Variants in EPN1 observed in about 807,000 individuals in gnomAD.
EPN1 encodes epsin 1.
A neutral mutation model predicts 56.9 loss-of-function variants in EPN1; 25 were observed. The observed-to-expected ratio is 0.44, with a 90% CI of 0.32 to 0.61. The LOEUF is 0.61. Ranked by LOEUF, EPN1 falls within the 20% of genes least tolerant of loss-of-function variation. EPN1 has a pLI of 0.05. For synonymous variants in EPN1, 411 were observed against 361.8 expected, an observed-to-expected ratio of 1.14 and a Z score of -1.54; for missense variants, 785 against 823.7, an observed-to-expected ratio of 0.95 and a Z score of 0.58.
rs1987363188 is a variant in EPN1 at position 55,705,808 on chromosome 19, G to GATACATATATATATATATATATATAT, written c.*10455_*10456insCATATATATATATATATATATATATA. On this transcript the variant is annotated 3_prime_UTR_variant, in exon 11 of 11. Transcript: ENST00000270460. ...GTGGCTGGAATATTTGTTGTTGTGG[G>GATACATATATATATATATATATATAT]ATATATATATATATATATATTTAGA... is the stretch of plus-strand genomic sequence containing the variant. 1 of 103,138 alleles carries GATACATATATATATATATATATATAT rather than the reference G, an allele frequency of 9.7e-6. No individual in the cohort carries two copies. Among genetic ancestry groups the GATACATATATATATATATATATATAT allele is most frequent in the East Asian group, 2.9e-4 (1 of 3,438 alleles). 6.4% of individuals were successfully genotyped at this position (103,138 alleles called of 1,614,324 possible). A position where few individuals can be genotyped will look rare whatever the true frequency, so the allele number is the denominator to read the frequency against.
chr19:55,700,173 T>G lies in EPN1; in HGVS notation c.*4817T>G, dbSNP rs1489829273. 1 of 144,190 alleles carries G rather than the reference T, an allele frequency of 6.9e-6. No individual in the cohort carries two copies. The highest frequency in any genetic ancestry group is 3.0e-5 in the African/African-American group (1 of 33,830). The allele number at this position is 144,190 out of a possible 1,614,324, so 8.9% of individuals were successfully genotyped here. On this transcript the variant is annotated 3_prime_UTR_variant, in exon 11 of 11. Coordinates refer to ENST00000270460, the MANE Select transcript of EPN1 (RefSeq NM_001130072.2). ...CTCCTGACCTCGTGATCTGCCCACC[T>G]CGGCCTTCCAAAGTGTTGGGATTAC...
intron 2 of EPN1, among the ~76,000 whole-genome samples, chr19:55,680,958 G>T (rs954033345): frequency 1.3e-5 from 2 of 152,270 alleles, no homozygotes; most frequent in Non-Finnish European, 2.9e-5. Flanking sequence ...GTGGTGGGTT[G>T]TGCAGGAGCA....
At chr19:55,693,988 GGTGGATCACCT>G (rs1986747359) in intron 9 of EPN1, 1 of 152,068 alleles carries the variant, frequency 6.6e-6, no homozygotes, top group Admixed American at 6.6e-5. Flanking sequence ...GCTCGAGGTG[GGTGGATCACCT>G]GAGGTCGGGA....
Position 55,692,574 on chromosome 19 carries a change from G to C in EPN1, c.1067-112G>C, listed in dbSNP as rs539563259. On this transcript the variant is annotated intron_variant, in intron 7 of 10. Coordinates refer to ENST00000270460, the MANE Select transcript of EPN1 (RefSeq NM_001130072.2). Reference sequence around the variant, plus strand: ...GGAGGCCGGGTGGGGTGGGTTTCTGGGGGGCAGGGGGGCTTTTGTGTGAAC... The same window carrying C: ...GGAGGCCGGGTGGGGTGGGTTTCTGCGGGGCAGGGGGGCTTTTGTGTGAAC... 6.7e-5 allele frequency: 45 copies of C among 671,138 alleles called. No individual in the cohort carries two copies. In the African/African-American group the frequency reaches 8.1e-4, roughly 12 times the overall value. 41.6% of individuals were successfully genotyped at this position (671,138 alleles called of 1,614,324 possible). A position where few individuals can be genotyped will look rare whatever the true frequency, so the allele number is the denominator to read the frequency against.
chr19:55,687,845 C>T (rs937620227), intron 3 of EPN1, among the ~76,000 whole-genome samples: 1 of 152,212 alleles, frequency 6.6e-6, no homozygotes, highest in African/African-American at 2.4e-5. Flanking sequence ...GCACACCACA[C>T]GGGGGCCAGC....
At position 55,708,756 on chromosome 19, in the gene EPN1, A is replaced by G. The variant is rs1987554476; in HGVS notation, c.*13400A>G. On this transcript the variant is annotated 3_prime_UTR_variant, in exon 11 of 11. Transcript: ENST00000270460. ...AGACAATCAGCATGTACACTGAATC[A>G]CACTCCATAATCATATTGCTAGAAC... The G allele has an allele frequency of 5.7e-6, 3 of 529,444 alleles. No homozygotes were observed. Among genetic ancestry groups the G allele is most frequent in the Admixed American group, 3.1e-5 (1 of 31,772 alleles). The allele number at this position is 529,444 out of a possible 1,614,324, so 32.8% of individuals were successfully genotyped here. A position where few individuals can be genotyped will look rare whatever the true frequency, so the allele number is the denominator to read the frequency against.
In EPN1 at chr19:55,695,500, T is replaced by G; in HGVS notation, c.*144T>G. 2 of 598,924 alleles carry G rather than the reference T, an allele frequency of 3.3e-6. No homozygotes were observed. Among genetic ancestry groups the G allele is most frequent in the Non-Finnish European group, 5.9e-6 (2 of 338,508 alleles). 37.1% of individuals were successfully genotyped at this position (598,924 alleles called of 1,614,324 possible). ...GGGGCCCACTCACACTACACCCTCT[T>G]CCTTTCCCACCCCACCTCCCCGGAG... is the stretch of plus-strand genomic sequence containing the variant. On this transcript the variant is annotated 3_prime_UTR_variant, in exon 11 of 11. Coordinates refer to ENST00000270460, the MANE Select transcript of EPN1 (RefSeq NM_001130072.2). The surrounding 1 kb of genome is among the most constrained non-coding windows in gnomAD (Gnocchi z 4.4).
chr19:55,690,620 G>C (rs1443010028), intron 6 of EPN1, among the ~76,000 whole-genome samples: 2 of 152,224 alleles, frequency 1.3e-5, no homozygotes, highest in African/African-American at 2.4e-5. Flanking sequence ...TCTGTCCTGA[G>C]TGTCCTCATA....
rs948026824 is a variant in EPN1 at position 55,700,895 on chromosome 19, G to T, written c.*5539G>T. On this transcript the variant is annotated 3_prime_UTR_variant, in exon 11 of 11. Transcript: ENST00000270460. The stretch of plus-strand genomic sequence containing the variant: ...GGTTGCAAAATGGCTTGTGTTGTGG[G>T]GAATGTTCTCATCCACCCAAATCAA... 6.6e-6 allele frequency: 1 copy of T among 152,200 alleles called. No homozygotes were observed. The highest frequency in any genetic ancestry group is 2.4e-5 in the African/African-American group (1 of 41,430). The allele number at this position is 152,200 out of a possible 1,614,324, so 9.4% of individuals were successfully genotyped here.
rs576846267 is a variant in EPN1 at position 55,680,968 on chromosome 19, A to G, written c.228+2113A>G. Among the ~76,000 whole-genome samples the G allele has an allele frequency of 5.9e-5, 9 of 152,372 alleles. No homozygotes were observed. In the South Asian group the frequency reaches 1.7e-3, roughly 28 times the overall value. ...CCCAGGTGGTGGGTTGTGCAGGAGC[A>G]GTCTTTCCACTTTGATGGATGGGGA... On this transcript the variant is annotated intron_variant, in intron 2 of 10. Coordinates refer to ENST00000270460, the MANE Select transcript of EPN1 (RefSeq NM_001130072.2).
At position 55,689,216 on chromosome 19, in the gene EPN1, C is replaced by T. The variant is rs960419985; in HGVS notation, c.604-81C>T. On this transcript the variant is annotated intron_variant, in intron 4 of 10. Transcript: ENST00000270460. This position sits in a 1 kb window ranked among gnomAD's most constrained non-coding sequence, Gnocchi z 5.7. ...AGGGACCCCCAGCCCTCTCTTTCTTCGGCTCTATCTGACCCTGGCTCTGCC... is the reference window on the plus strand; with the variant it reads ...AGGGACCCCCAGCCCTCTCTTTCTTTGGCTCTATCTGACCCTGGCTCTGCC... 1.5e-5 allele frequency: 18 copies of T among 1,213,210 alleles called. No homozygotes were observed. Among genetic ancestry groups the T allele is most frequent in the Middle Eastern group, 3.8e-4 (2 of 5,270 alleles). 75.2% of individuals were successfully genotyped at this position (1,213,210 alleles called of 1,614,324 possible). A position where few individuals can be genotyped will look rare whatever the true frequency, so the allele number is the denominator to read the frequency against.
intron 1 of EPN1, among the ~76,000 whole-genome samples, chr19:55,676,398 G>A (rs1203379826): frequency 1.3e-5 from 2 of 152,198 alleles, no homozygotes; most frequent in Non-Finnish European, 2.9e-5. Flanking sequence ...CAGTATCTGA[G>A]AAATCTCAGC....
chr19:55,686,919 T>A (rs1600102244), intron 3 of EPN1, among the ~76,000 whole-genome samples: 1 of 151,672 alleles, frequency 6.6e-6, no homozygotes, highest in East Asian at 2.0e-4. Context: ...ACATCCTGGC[T>A]CGGGGGTCGT....
rs926470432 is a variant in EPN1, at chr19:55,696,178, A to G, written c.*822A>G. 16 of 151,596 alleles carry G rather than the reference A, an allele frequency of 1.1e-4. No individual in the cohort carries two copies. The highest frequency in any genetic ancestry group is 3.4e-4 in the African/African-American group (14 of 41,172). The allele number at this position is 151,596 out of a possible 1,614,324, so 9.4% of individuals were successfully genotyped here. ...GCAAGCATCACTAATCCATCCCTGC[A>G]CTCCTGGAAAGCCGGGTCAGCCTCT... is the stretch of plus-strand genomic sequence containing the variant. On this transcript the variant is annotated 3_prime_UTR_variant, in exon 11 of 11. Transcript: ENST00000270460.
In EPN1 at chr19:55,689,369, A is replaced by G; in HGVS notation, c.676A>G (p.Lys226Glu). 6.4e-7 allele frequency: 1 copy of G among 1,551,510 alleles called. No individual in the cohort carries two copies. Among genetic ancestry groups the G allele is most frequent in the Non-Finnish European group, 8.7e-7 (1 of 1,146,810 alleles). ...TAGTTTGAGCCGAGAAGAGCATGAT[A>G]AGGTCAGAGCAGCCTCCCTGTCCCT... ...ALSLSREEHD[K>E]EERIRRGDDL... Residue 226 changes from lysine (K) to glutamate (E), a missense_variant and splice_region_variant, in exon 5 of 11, where the codon AAG (lysine) becomes GAG (glutamate). By Grantham distance (56) the Lys-to-Glu change is moderately conservative. Coordinates refer to ENST00000270460, the MANE Select transcript of EPN1 (RefSeq NM_001130072.2). The surrounding 1 kb of genome is among the most constrained non-coding windows in gnomAD (Gnocchi z 5.7).
chr19:55,688,799 G>C (rs1210721882), intron 3 of EPN1, 71 bp from the exon 4 acceptor site: 7 of 1,544,374 alleles, frequency 4.5e-6, no homozygotes, highest in Non-Finnish European at 5.2e-6. Context: ...GCCCCCGTCT[G>C]TCTAGGCTAT....
intron 1 of EPN1, among the ~76,000 whole-genome samples, chr19:55,677,903 C>A (rs924002086): frequency 6.6e-6 from 1 of 152,228 alleles, no homozygotes; most frequent in Admixed American, 6.5e-5. Context: ...TTTTTCTGGG[C>A]CAGCTTCTTT....
In EPN1 at chr19:55,688,974, A is replaced by T; in HGVS notation, c.583A>T (p.Ser195Cys). ...ELQLQLALAM[S>C]KEEADQPPSC... ...GCAGCTCCAGCTGGCCCTGGCCATG[A>T]GCAAGGAGGAGGCCGACCAGGTACT... is the stretch of plus-strand genomic sequence containing the variant. Residue 195 changes from serine (S) to cysteine (C), a missense_variant, in exon 4 of 11, where the codon AGC becomes TGC. By Grantham distance (112) the Ser-to-Cys change is moderately radical. Coordinates refer to ENST00000270460, the MANE Select transcript of EPN1 (RefSeq NM_001130072.2). The T allele has an allele frequency of 6.2e-7, 1 of 1,602,294 alleles. No homozygotes were observed. Among genetic ancestry groups the T allele is most frequent in the Non-Finnish European group, 8.5e-7 (1 of 1,177,392 alleles).
At chr19:55,682,114 C>T (rs1033142409) in intron 2 of EPN1, among the ~76,000 whole-genome samples, 3 of 152,160 alleles carry the variant, frequency 2.0e-5, no homozygotes, top group Non-Finnish European at 4.4e-5. Flanking sequence ...CCCACTTGCT[C>T]ACTTCTAAAA....
Sources: gnomAD v4.1 joint callset for allele counts (sites outside exome capture counted in the v4.1 genomes callset) on GRCh38, gnomAD v4.1.1 for gene constraint, Gnocchi (gnomAD v3.1) non-coding constraint, MANE v1.5 for transcripts, NCBI Gene and HGNC (gene_info 2026-07-23, HGNC 2026-07-21) for gene names.